Variants in RGS6 observed in about 807,000 individuals in gnomAD.
The protein encoded by RGS6 is regulator of G-protein signaling 6.
Under a neutral mutation model 78.5 loss-of-function variants are expected in RGS6, and 30 were observed. The ratio of observed to expected loss-of-function variants is 0.38; its 90% CI spans 0.29 to 0.52. The LOEUF is 0.52. RGS6 is among the 20% of genes least tolerant of loss of function. The pLI is 0.85. For synonymous variants in RGS6, 206 were observed against 206.0 expected (o/e 1.00, Z 0.00); for missense variants, 495 against 609.7 (o/e 0.81, Z 1.98).
chr14:71,910,249 A>C, the RGS6 span, among the ~76,000 whole-genome samples: 2 of 152,144 alleles, frequency 1.3e-5, no homozygotes, highest in Non-Finnish European at 2.9e-5. Flanking sequence ...AGCAGAGAAG[A>C]GCTCTCTCTG....
chr14:72,277,867 G>A (rs1185792220), intron 2 of RGS6, among the ~76,000 whole-genome samples: 2 of 152,148 alleles, frequency 1.3e-5, no homozygotes, highest in African/African-American at 4.8e-5. Flanking sequence ...AGTGGAAGTT[G>A]CAGTGAGCAA....
chr14:72,616,427 G>A, the RGS6 span, among the ~76,000 whole-genome samples: 1 of 152,052 alleles, frequency 6.6e-6, no homozygotes, highest in Non-Finnish European at 1.5e-5. Context: ...TTCCTTGGTC[G>A]CAGCCCAGCC....
intron 2 of RGS6, among the ~76,000 whole-genome samples, chr14:72,322,032 A>G (rs564435905): frequency 1.3e-5 from 2 of 152,170 alleles, no homozygotes; most frequent in Admixed American, 6.5e-5. Flanking sequence ...GATAATGATT[A>G]TAACCACATT....
intron 2 of RGS6, among the ~76,000 whole-genome samples, chr14:72,063,177 A>T (rs1254107537): frequency 6.6e-6 from 1 of 152,146 alleles, no homozygotes; most frequent in Admixed American, 6.5e-5. Flanking sequence ...ATGTTGAAGA[A>T]CTGAATCTGG....
the RGS6 span, among the ~76,000 whole-genome samples, chr14:72,574,244 C>G: frequency 5.9e-5 from 9 of 152,206 alleles, no homozygotes; most frequent in Non-Finnish European, 1.3e-4. Flanking sequence ...TTCTCTTTGG[C>G]TCTCTCCCAG....
chr14:72,490,918 C>T (rs1384441039), intron 12 of RGS6, among the ~76,000 whole-genome samples: 1 of 152,120 alleles, frequency 6.6e-6, no homozygotes, highest in Non-Finnish European at 1.5e-5. Flanking sequence ...CTGGGGGATC[C>T]TATTAAAAAG....
intron 2 of RGS6, among the ~76,000 whole-genome samples, chr14:72,301,892 C>A (rs762647562): frequency 2.0e-5 from 3 of 152,122 alleles, no homozygotes; most frequent in Non-Finnish European, 4.4e-5. Flanking sequence ...TTTGCAGAAG[C>A]CCTACTTCAA....
chr14:72,094,163 A>G (rs1329048692), intron 2 of RGS6, among the ~76,000 whole-genome samples: 2 of 152,220 alleles, frequency 1.3e-5, no homozygotes, highest in East Asian at 1.9e-4. Flanking sequence ...TGCTTTCTTT[A>G]TCGAACAATG....
chr14:72,202,175 C>T (rs1470282567), intron 2 of RGS6, among the ~76,000 whole-genome samples: 1 of 152,134 alleles, frequency 6.6e-6, no homozygotes, highest in Non-Finnish European at 1.5e-5. Flanking sequence ...TGTTTGTGTA[C>T]ACAAATTAGG....
the RGS6 span, among the ~76,000 whole-genome samples, chr14:71,898,863 G>T: frequency 2.0e-5 from 3 of 152,148 alleles, no homozygotes; most frequent in Non-Finnish European, 4.4e-5. Context: ...TTTTGTGGCT[G>T]CATAGTAACC....
the RGS6 span, among the ~76,000 whole-genome samples, chr14:72,600,214 G>A: frequency 1.3e-5 from 2 of 152,010 alleles, no homozygotes; most frequent in East Asian, 1.9e-4. Context: ...GAAAGTACAC[G>A]AACAATACCT....
At chr14:72,483,399 GCAT>G (rs1454215974) in intron 12 of RGS6, among the ~76,000 whole-genome samples, 3 of 152,052 alleles carry the variant, frequency 2.0e-5, no homozygotes, top group South Asian at 2.1e-4. Flanking sequence ...ATTTTTTTTA[GCAT>G]CATCTCACTT....
At chr14:72,581,790 G>C in the RGS6 span, among the ~76,000 whole-genome samples, 1 of 152,192 alleles carries the variant, frequency 6.6e-6, no homozygotes, top group Non-Finnish European at 1.5e-5. Flanking sequence ...AACCTTCTCT[G>C]ATTCCTCTTT....
intron 3 of RGS6, among the ~76,000 whole-genome samples, chr14:72,439,100 G>GT (rs2095073349): frequency 6.6e-6 from 1 of 152,184 alleles, no homozygotes; most frequent in African/African-American, 2.4e-5. Flanking sequence ...CCCAATCTCA[G>GT]TAGTCCCCAG....
the RGS6 span, among the ~76,000 whole-genome samples, chr14:71,895,431 C>T: frequency 1.4e-4 from 21 of 152,010 alleles, no homozygotes; most frequent in African/African-American, 4.6e-4. Context: ...AAGTGATCTG[C>T]CCGCCTCAGA....
chr14:72,190,446 A>C (rs1189608481), intron 2 of RGS6, among the ~76,000 whole-genome samples: 1 of 152,214 alleles, frequency 6.6e-6, no homozygotes, highest in East Asian at 1.9e-4. Context: ...GGCTGGTATC[A>C]TGTCTACTCC....
At chr14:72,033,194 G>A (rs1269930217) in intron 2 of RGS6, among the ~76,000 whole-genome samples, 1 of 152,120 alleles carries the variant, frequency 6.6e-6, no homozygotes, top group African/African-American at 2.4e-5. Flanking sequence ...ATTAAATACT[G>A]TACCAATAGT....
At chr14:72,377,259 A>G (rs1488610249) in intron 3 of RGS6, among the ~76,000 whole-genome samples, 1 of 152,218 alleles carries the variant, frequency 6.6e-6, no homozygotes, top group Admixed American at 6.5e-5. Flanking sequence ...CTGTACTTAT[A>G]TCAGACAAAA....
chr14:72,596,977 G>A, the RGS6 span, among the ~76,000 whole-genome samples: 2 of 152,148 alleles, frequency 1.3e-5, no homozygotes, highest in East Asian at 1.9e-4. Flanking sequence ...GGTGGCTCAC[G>A]CCTGTAATCC....
Sources: allele counts gnomAD v4.1 joint callset (sites outside exome capture counted in the v4.1 genomes callset), GRCh38; gene constraint gnomAD v4.1.1; transcripts MANE v1.5; gene names NCBI Gene and HGNC (gene_info 2026-07-23, HGNC 2026-07-21).